Variants in CUL3 observed in about 807,000 individuals in gnomAD.
CUL3 encodes the protein cullin 3.
In CUL3, 19 loss-of-function variants were observed where a neutral mutation model predicts 89.1. The ratio of observed to expected loss-of-function variants is 0.21; its 90% CI spans 0.15 to 0.31. The LOEUF (loss-of-function observed/expected upper bound fraction) is 0.31. CUL3 is among the 10% of genes least tolerant of loss of function. The pLI, the probability that CUL3 is intolerant of heterozygous loss-of-function variation, is 1.00. For synonymous variants in CUL3, 351 were observed against 308.4 expected (o/e 1.14, Z -1.45); for missense variants, 469 against 942.3 (o/e 0.50, Z 6.58).
chr2:224,554,332 T>C (rs531205259), intron 2 of CUL3, among the ~76,000 whole-genome samples: 1 of 152,326 alleles, frequency 6.6e-6, no homozygotes, highest in South Asian at 2.1e-4. Flanking sequence ...ATAAAGAATC[T>C]CAGGGATATT....
chr2:224,560,100 A>T (rs1002558301), intron 1 of CUL3, among the ~76,000 whole-genome samples: 1 of 152,130 alleles, frequency 6.6e-6, no homozygotes, highest in Non-Finnish European at 1.5e-5. Context: ...AAGAAGAAAA[A>T]AAAGAAACAA....
intron 13 of CUL3, among the ~76,000 whole-genome samples, chr2:224,484,252 A>G (rs937158691): frequency 2.6e-5 from 4 of 152,140 alleles, no homozygotes; most frequent in South Asian, 2.1e-4. Flanking sequence ...CAAAAATAGT[A>G]TATGAATATC....
chr2:224,503,635 T>C lies in CUL3; in HGVS notation c.1377+17A>G, dbSNP rs759690293. ...CCTCAGTTAGGTGCACTCTATTTCATCTAAAACACACCTTACCTTTAACTT... is the reference window on the plus strand; with the variant it reads ...CCTCAGTTAGGTGCACTCTATTTCACCTAAAACACACCTTACCTTTAACTT... On this transcript the variant is annotated intron_variant, in intron 9 of 15. Coordinates refer to ENST00000264414, the MANE Select transcript of CUL3 (RefSeq NM_003590.5). 3 of 1,550,750 alleles carry C rather than the reference T, an allele frequency of 1.9e-6. No individual in the cohort carries two copies. The East Asian group carries it at 6.8e-5, about 35-fold the overall frequency.
intron 3 of CUL3, among the ~76,000 whole-genome samples, chr2:224,516,161 C>T (rs1053454705): frequency 6.6e-6 from 1 of 152,088 alleles, no homozygotes; most frequent in Non-Finnish European, 1.5e-5. Context: ...TATATAATCT[C>T]AGCACAAGCT....
chr2:224,519,634 A>G (rs2106234110), intron 3 of CUL3, among the ~76,000 whole-genome samples: 1 of 152,330 alleles, frequency 6.6e-6, no homozygotes, highest in South Asian at 2.1e-4. Flanking sequence ...ATTAATAGTA[A>G]TACTAAATAA....
chr2:224,506,802 A>G, intron 7 of CUL3, 56 bp downstream of exon 7: 3 of 1,562,540 alleles, frequency 1.9e-6, no homozygotes, highest in South Asian at 2.3e-5. Context: ...TGGCCTTTTT[A>G]GCACTTGTCA....
At chr2:224,491,151 C>T (rs1412425559) in intron 13 of CUL3, among the ~76,000 whole-genome samples, 2 of 152,060 alleles carry the variant, frequency 1.3e-5, no homozygotes, top group East Asian at 1.9e-4. Context: ...ATCAGCTTGT[C>T]GAGTTTTATT....
chr2:224,524,703 G>C (rs1237276732), intron 3 of CUL3, among the ~76,000 whole-genome samples: 1 of 152,024 alleles, frequency 6.6e-6, no homozygotes, highest in Non-Finnish European at 1.5e-5. Context: ...TTACTTTGGA[G>C]GAAGGTATCA....
chr2:224,569,182 G>A (rs1228866698), intron 1 of CUL3, among the ~76,000 whole-genome samples: 1 of 152,140 alleles, frequency 6.6e-6, no homozygotes, highest in Non-Finnish European at 1.5e-5. Context: ...AACTGATTAA[G>A]TTGCAATAAC....
At chr2:224,520,987 C>T (rs775485174) in intron 3 of CUL3, among the ~76,000 whole-genome samples, 6 of 152,008 alleles carry the variant, frequency 3.9e-5, no homozygotes, top group Non-Finnish European at 5.9e-5. Context: ...TCTTAAAGTG[C>T]GCTAAATAGT....
chr2:224,517,535 T>C (rs1186304097), intron 3 of CUL3, among the ~76,000 whole-genome samples: 5 of 152,134 alleles, frequency 3.3e-5, no homozygotes, highest in African/African-American at 1.2e-4. Flanking sequence ...TGGCCAGGCA[T>C]GTTGGTGCGC....
intron 1 of CUL3, among the ~76,000 whole-genome samples, chr2:224,578,414 A>C (rs187855207): frequency 6.6e-5 from 10 of 152,276 alleles, no homozygotes; most frequent in Admixed American, 1.3e-4. Flanking sequence ...AAAATTCCAA[A>C]AACACATGAA....
intron 3 of CUL3, among the ~76,000 whole-genome samples, chr2:224,531,634 A>T (rs1158638495): frequency 6.6e-6 from 1 of 152,214 alleles, no homozygotes; most frequent in Non-Finnish European, 1.5e-5. Flanking sequence ...AAGGAATAGT[A>T]CTAGGTACAA....
At chr2:224,580,439 TTTGCGTAACAGC>T (rs1695406107) in intron 1 of CUL3, among the ~76,000 whole-genome samples, 2 of 152,214 alleles carry the variant, frequency 1.3e-5, no homozygotes, top group Admixed American at 1.3e-4. Context: ...ATCCCAGCAC[TTTGCGTAACAGC>T]GGTGGGCTGA....
intron 3 of CUL3, among the ~76,000 whole-genome samples, chr2:224,520,801 C>T (rs1693231716): frequency 6.6e-6 from 1 of 152,202 alleles, no homozygotes; most frequent in Non-Finnish European, 1.5e-5. Context: ...TTACTACTTC[C>T]ACCATCTTGG....
intron 13 of CUL3, among the ~76,000 whole-genome samples, chr2:224,489,379 C>T (rs1691865183): frequency 1.3e-5 from 2 of 152,236 alleles, no homozygotes; most frequent in South Asian, 4.1e-4. Flanking sequence ...CCCAAAAACT[C>T]TTTAAGCTGA....
intron 8 of CUL3, 140 bp from the exon 9 acceptor site, chr2:224,503,962 T>G: frequency 1.6e-6 from 1 of 608,830 alleles, no homozygotes; most frequent in Non-Finnish European, 2.7e-6. Flanking sequence ...GGATACGGTT[T>G]GAGAAAGTGT....
Position 224,478,499 on chromosome 2 carries a change from C to A in CUL3, c.2030-154G>T, listed in dbSNP as rs977230055. Reference sequence around the variant, plus strand: ...ATTCAAGTACGCATTCAGAAACTGTCTTAATGTTTACTTGAATACTAAATT... The same window carrying A: ...ATTCAAGTACGCATTCAGAAACTGTATTAATGTTTACTTGAATACTAAATT... On this transcript the variant is annotated intron_variant, in intron 14 of 15. Coordinates refer to ENST00000264414, the MANE Select transcript of CUL3 (RefSeq NM_003590.5). The A allele has an allele frequency of 3.5e-5, 19 of 550,172 alleles. No individual in the cohort carries two copies. In the Admixed American group the frequency reaches 5.4e-4, roughly 16 times the overall value. 34.1% of individuals were successfully genotyped at this position (550,172 alleles called of 1,614,324 possible). A position where few individuals can be genotyped will look rare whatever the true frequency, so the allele number is the denominator to read the frequency against.
At chr2:224,516,897 G>A (rs1379745924) in intron 3 of CUL3, among the ~76,000 whole-genome samples, 1 of 151,930 alleles carries the variant, frequency 6.6e-6, no homozygotes, top group Admixed American at 6.6e-5. Flanking sequence ...CACCCACCTC[G>A]GCCTCCCAAA....
Sources: gnomAD v4.1 joint callset for allele counts (sites outside exome capture counted in the v4.1 genomes callset) on GRCh38, gnomAD v4.1.1 for gene constraint, MANE v1.5 for transcripts, NCBI Gene and HGNC (gene_info 2026-07-23, HGNC 2026-07-21) for gene names.